Variants in PTCHD4 observed in about 807,000 individuals in gnomAD.
The protein encoded by PTCHD4 is patched domain containing 4.
In PTCHD4, 33 loss-of-function variants were observed where a neutral mutation model predicts 58.1. The observed-to-expected ratio is 0.57, with a 90% CI of 0.43 to 0.76. The LOEUF (loss-of-function observed/expected upper bound fraction) is 0.76. PTCHD4 is among the 30% of genes least tolerant of loss of function. PTCHD4 has a pLI of 0.00. For synonymous variants in PTCHD4, 478 were observed against 409.6 expected, an observed-to-expected ratio of 1.17 and a Z score of -2.02; for missense variants, 1,058 against 1,027.1, an observed-to-expected ratio of 1.03 and a Z score of -0.41.
intron 3 of PTCHD4, among the ~76,000 whole-genome samples, chr6:48,024,175 C>A (rs1763163371): frequency 1.3e-5 from 2 of 152,100 alleles, no homozygotes; most frequent in Admixed American, 6.6e-5. Context: ...ACAGTTATTA[C>A]CTCATTACAA....
intron 3 of PTCHD4, among the ~76,000 whole-genome samples, chr6:48,012,636 A>T (rs527618879): frequency 3.7e-4 from 56 of 152,290 alleles, no homozygotes; most frequent in African/African-American, 9.4e-4. Flanking sequence ...GAAAGAGGGC[A>T]TCCTTATTTT....
chr6:47,873,439 G>C lies in PTCHD4; in HGVS notation c.*4864C>G, dbSNP rs1028674159. ...CTTCAAACACAGAACACCACCTCTT[G>C]TGCTCCTAAGTTAAACGTGATGGTG... On this transcript the variant is annotated 3_prime_UTR_variant, in exon 5 of 5. Transcript: ENST00000339488. 2.0e-5 allele frequency among the ~76,000 whole-genome samples: 3 copies of C among 151,530 alleles called. No homozygotes were observed. Among genetic ancestry groups the C allele is most frequent in the Admixed American group, 2.0e-4 (3 of 15,166 alleles).
In PTCHD4 at chr6:47,873,700, G is replaced by A. The variant is rs112510981; in HGVS notation, c.*4603C>T. Among the ~76,000 whole-genome samples, 19 of 151,706 alleles carry A rather than the reference G, an allele frequency of 1.3e-4. No homozygotes were observed. Among genetic ancestry groups the A allele is most frequent in the Non-Finnish European group, 2.2e-4 (15 of 67,730 alleles). On this transcript the variant is annotated 3_prime_UTR_variant, in exon 5 of 5. Transcript: ENST00000339488. ...CACTGATTTAAAATATTAGCATAAA[G>A]GTCCGCACCACAGTGATGATGTTCA...
chr6:47,988,291 G>T (rs1313603064), intron 4 of PTCHD4, among the ~76,000 whole-genome samples: 1 of 152,110 alleles, frequency 6.6e-6, no homozygotes, highest in East Asian at 1.9e-4. Flanking sequence ...AGCCACTTTG[G>T]AAGAGACAAC....
chr6:47,893,899 A>G (rs1034330598), intron 4 of PTCHD4, among the ~76,000 whole-genome samples: 1 of 152,222 alleles, frequency 6.6e-6, no homozygotes, highest in African/African-American at 2.4e-5. Context: ...GGGTTTAGTT[A>G]ATTGGATTAA....
intron 3 of PTCHD4, among the ~76,000 whole-genome samples, chr6:48,057,904 T>A (rs1416995611): frequency 6.6e-6 from 1 of 152,212 alleles, no homozygotes; most frequent in African/African-American, 2.4e-5. Flanking sequence ...TAATGTAGAC[T>A]AGGTTTAAGC....
chr6:47,895,134 CAAAAAAGAAA>C lies in PTCHD4; in HGVS notation c.899-15208_899-15199del, dbSNP rs371873139. Among the ~76,000 whole-genome samples, 455 of 87,052 alleles carry C rather than the reference CAAAAAAGAAA, an allele frequency of 5.2e-3. 3 individuals are homozygous for C. The highest frequency in any genetic ancestry group is 0.011 in the African/African-American group (334 of 29,404). The allele number at this position is 87,052 out of a possible 152,430, so 57.1% of individuals were successfully genotyped here. A position where few individuals can be genotyped will look rare whatever the true frequency, so the allele number is the denominator to read the frequency against. ...TCGGCGACAGAGTGAGATTCTGTCTCAAAAAAGAAAAAAAAAGAAACAATAATAAAAACAG... is the reference window on the plus strand; with the variant it reads ...TCGGCGACAGAGTGAGATTCTGTCTCAAAAAAGAAACAATAATAAAAACAG... On this transcript the variant is annotated intron_variant, in intron 4 of 4. Coordinates refer to ENST00000339488, the MANE Select transcript of PTCHD4 (RefSeq NM_001384253.1).
chr6:48,005,521 A>G (rs1209389206), intron 4 of PTCHD4, among the ~76,000 whole-genome samples: 2 of 152,202 alleles, frequency 1.3e-5, no homozygotes, highest in South Asian at 2.1e-4. Flanking sequence ...CAGCAGATAT[A>G]TATGTGGCAA....
At chr6:47,887,006 G>C (rs1561939952) in intron 4 of PTCHD4, among the ~76,000 whole-genome samples, 1 of 152,090 alleles carries the variant, frequency 6.6e-6, no homozygotes, top group South Asian at 2.1e-4. Context: ...CTCTTCACTG[G>C]CCAGGTTAGG....
rs1220580398 is a variant in PTCHD4, at chr6:48,068,114, G to T, written c.417+116C>A. The T allele has an allele frequency of 4.4e-5, 51 of 1,149,282 alleles. No individual in the cohort carries two copies. Among genetic ancestry groups the T allele is most frequent in the Non-Finnish European group, 5.7e-5 (46 of 813,352 alleles). 71.2% of individuals were successfully genotyped at this position (1,149,282 alleles called of 1,614,324 possible). ...CCTGGCTGTTGTCTTATTGGAGACG[G>T]CAGCCTGCCTGAGATCCTCTAGCAC... On this transcript the variant is annotated intron_variant, in intron 3 of 4. Transcript: ENST00000339488. This position sits in a 1 kb window ranked among gnomAD's most constrained non-coding sequence, Gnocchi z 4.2.
At chr6:48,064,932 T>C (rs1764746879) in intron 3 of PTCHD4, among the ~76,000 whole-genome samples, 1 of 152,222 alleles carries the variant, frequency 6.6e-6, no homozygotes, top group Non-Finnish European at 1.5e-5. Flanking sequence ...AAATCGTGTA[T>C]ATGTACCATT....
intron 4 of PTCHD4, among the ~76,000 whole-genome samples, chr6:47,920,075 C>T (rs1765384459): frequency 6.6e-6 from 1 of 152,092 alleles, no homozygotes; most frequent in African/African-American, 2.4e-5. Flanking sequence ...TAGAAATAAT[C>T]CTTTACTGTG....
At chr6:47,965,065 C>A (rs1181434672) in intron 4 of PTCHD4, among the ~76,000 whole-genome samples, 5 of 152,090 alleles carry the variant, frequency 3.3e-5, no homozygotes, top group Non-Finnish European at 7.4e-5. Context: ...GGCCTTTATT[C>A]AGGTTTCTCA....
chr6:48,059,414 G>A (rs1366193773), intron 3 of PTCHD4, among the ~76,000 whole-genome samples: 1 of 152,106 alleles, frequency 6.6e-6, no homozygotes, highest in African/African-American at 2.4e-5. Flanking sequence ...GCGGAAGTGG[G>A]CGGATCACAA....
intron 4 of PTCHD4, among the ~76,000 whole-genome samples, chr6:47,993,248 G>C (rs865879522): frequency 1.1e-4 from 16 of 152,250 alleles, no homozygotes; most frequent in Middle Eastern, 3.4e-3. Context: ...GCTTTGTAGA[G>C]AGCATAACCT....
chr6:47,950,777 C>T (rs536514679), intron 4 of PTCHD4, among the ~76,000 whole-genome samples: 128 of 151,838 alleles, frequency 8.4e-4, no homozygotes, highest in African/African-American at 2.9e-3. Context: ...GGTCACCAAG[C>T]GAGTCAATAG....
At chr6:47,983,635 A>T (rs983867689) in intron 4 of PTCHD4, among the ~76,000 whole-genome samples, 1 of 152,196 alleles carries the variant, frequency 6.6e-6, no homozygotes, top group Non-Finnish European at 1.5e-5. Flanking sequence ...GTAAATGCCT[A>T]ACCTAAAGTT....
rs183546393 is a variant in PTCHD4, at chr6:47,999,164, C to A, written c.898+9470G>T. ...CTAAAGTGGAAGAGATGTTAAAATA[C>A]AATGAGTTCTTCCTCATCCAATGAG... On this transcript the variant is annotated intron_variant, in intron 4 of 4. Transcript: ENST00000339488. Among the ~76,000 whole-genome samples the A allele has an allele frequency of 2.5e-3, 383 of 152,266 alleles. 1 individual carries two copies. Among genetic ancestry groups the A allele is most frequent in the African/African-American group, 8.6e-3 (357 of 41,552 alleles).
At chr6:48,046,163 A>G (rs759902259) in intron 3 of PTCHD4, among the ~76,000 whole-genome samples, 12 of 151,980 alleles carry the variant, frequency 7.9e-5, no homozygotes, top group Non-Finnish European at 1.5e-4. Context: ...TCTCTGAACG[A>G]GTTTACTTTA....
Sources: allele counts gnomAD v4.1 joint callset (sites outside exome capture counted in the v4.1 genomes callset), GRCh38; gene constraint gnomAD v4.1.1; non-coding constraint Gnocchi (gnomAD v3.1); transcripts MANE v1.5; gene names NCBI Gene and HGNC (gene_info 2026-07-23, HGNC 2026-07-21).